ATPSCKMT: variants seen among roughly 807,000 people sequenced by gnomAD.
ATPSCKMT encodes ATP synthase c subunit lysine N-methyltransferase.
A neutral mutation model predicts 24.3 loss-of-function variants in ATPSCKMT; 24 were observed. The ratio of observed to expected loss-of-function variants is 0.99; its 90% CI spans 0.71 to 1.39. The LOEUF is 1.39. ATPSCKMT is among the 40% of genes most tolerant of loss of function. ATPSCKMT has a pLI of 0.00. For synonymous variants in ATPSCKMT, 95 were observed against 110.5 expected (o/e 0.86, Z 0.88); for missense variants, 311 against 298.4 (o/e 1.04, Z -0.31).
chr5:10,240,089 C>T (rs1201660137), intron 1 of ATPSCKMT, among the ~76,000 whole-genome samples: 2 of 151,016 alleles, frequency 1.3e-5, no homozygotes, highest in Non-Finnish European at 3.0e-5. Flanking sequence ...AAAAAATTAG[C>T]CGGGCGTGGT....
At chr5:10,242,363 G>T (rs1744684367) in intron 1 of ATPSCKMT, among the ~76,000 whole-genome samples, 1 of 152,168 alleles carries the variant, frequency 6.6e-6, no homozygotes, top group Admixed American at 6.5e-5. Context: ...ACCAGTAGTA[G>T]ATTCCATCTC....
In ATPSCKMT at chr5:10,232,617, G is replaced by A. The variant is rs529947561; in HGVS notation, c.495+2594C>T. 3.9e-4 allele frequency among the ~76,000 whole-genome samples: 60 copies of A among 152,356 alleles called. 1 individual carries two copies. Among genetic ancestry groups the A allele is most frequent in the Admixed American group, 3.1e-3 (47 of 15,310 alleles). On this transcript the variant is annotated intron_variant, in intron 4 of 4. Transcript: ENST00000511437. Reference sequence around the variant, plus strand: ...GGCCCATGAGTGGTCAGTGCTGTTCGACGAAGTCCAGAGCCAGGGAGACCA... The same window carrying A: ...GGCCCATGAGTGGTCAGTGCTGTTCAACGAAGTCCAGAGCCAGGGAGACCA...
At chr5:10,232,951 C>T (rs532143986) in intron 4 of ATPSCKMT, among the ~76,000 whole-genome samples, 3 of 152,254 alleles carry the variant, frequency 2.0e-5, no homozygotes, top group African/African-American at 7.2e-5. Context: ...AACCCCACAA[C>T]TGGCTTGACC....
chr5:10,229,390 G>A (rs1371231809), intron 4 of ATPSCKMT, among the ~76,000 whole-genome samples: 3 of 152,142 alleles, frequency 2.0e-5, no homozygotes, highest in Non-Finnish European at 4.4e-5. Flanking sequence ...GTGGTCTTTG[G>A]CAACACCCCA....
chr5:10,232,519 T>C (rs1001304682), intron 4 of ATPSCKMT, among the ~76,000 whole-genome samples: 2 of 152,294 alleles, frequency 1.3e-5, no homozygotes, highest in Non-Finnish European at 1.5e-5. Flanking sequence ...CAAGGTACTA[T>C]ATGAGAGTAA....
At chr5:10,242,626 A>T (rs1001850126) in intron 1 of ATPSCKMT, among the ~76,000 whole-genome samples, 19 of 152,230 alleles carry the variant, frequency 1.2e-4, no homozygotes, top group Non-Finnish European at 2.5e-4. Context: ...TATTAATGGC[A>T]TCTAGAATGG....
At chr5:10,247,986 T>C (rs1264021553) in intron 1 of ATPSCKMT, among the ~76,000 whole-genome samples, 1 of 152,184 alleles carries the variant, frequency 6.6e-6, no homozygotes, top group Non-Finnish European at 1.5e-5. Context: ...CAGTGACAGA[T>C]GTACAATAAG....
Position 10,245,351 on chromosome 5 carries a change from C to T in ATPSCKMT, c.16+4507G>A, listed in dbSNP as rs575161994. Among the ~76,000 whole-genome samples the T allele has an allele frequency of 4.6e-5, 7 of 152,206 alleles. No individual in the cohort carries two copies. The East Asian group carries it at 9.7e-4, about 21-fold the overall frequency. ...AGGAGAATGGCGTGAACCTGGAAGGCGGAGTTTGCAGTGATCCGAGACCGC... is the reference window on the plus strand; with the variant it reads ...AGGAGAATGGCGTGAACCTGGAAGGTGGAGTTTGCAGTGATCCGAGACCGC... On this transcript the variant is annotated intron_variant, in intron 1 of 4. Coordinates refer to ENST00000511437, the MANE Select transcript of ATPSCKMT (RefSeq NM_199133.4).
chr5:10,227,375 A>G lies in ATPSCKMT; in HGVS notation c.*66T>C, dbSNP rs1195136197. The G allele has an allele frequency of 6.6e-7, 1 of 1,521,940 alleles. No homozygotes were observed. Among genetic ancestry groups the G allele is most frequent in the Non-Finnish European group, 9.1e-7 (1 of 1,104,480 alleles). 94.3% of individuals were successfully genotyped at this position (1,521,940 alleles called of 1,614,324 possible). The stretch of plus-strand genomic sequence containing the variant: ...ACAATTATGCTCCTTTGCTAAGGAC[A>G]CAGCTGTAAGTCTCTACAAGATCAG... On this transcript the variant is annotated 3_prime_UTR_variant, in exon 5 of 5. Coordinates refer to ENST00000511437, the MANE Select transcript of ATPSCKMT (RefSeq NM_199133.4).
At chr5:10,227,716 T>G (rs1579416475) in intron 4 of ATPSCKMT, 69 bp from the exon 5 acceptor site, 1 of 1,244,856 alleles carries the variant, frequency 8.0e-7, no homozygotes, top group Non-Finnish European at 1.1e-6. Flanking sequence ...AATTTCCTGT[T>G]TTTAAGAGTC....
chr5:10,227,799 A>G (rs1410705110), intron 4 of ATPSCKMT, 152 bp from the exon 5 acceptor site: 10 of 656,148 alleles, frequency 1.5e-5, no homozygotes, highest in East Asian at 5.5e-5. Flanking sequence ...TAAACAAACA[A>G]TCCATTGAAA....
chr5:10,242,702 G>T (rs1306313497), intron 1 of ATPSCKMT, among the ~76,000 whole-genome samples: 1 of 152,134 alleles, frequency 6.6e-6, no homozygotes, highest in East Asian at 1.9e-4. Context: ...ACTATCTATT[G>T]CATCTCTAGC....
intron 2 of ATPSCKMT, among the ~76,000 whole-genome samples, chr5:10,238,458 G>C (rs1744474861): frequency 6.6e-6 from 1 of 152,130 alleles, no homozygotes; most frequent in South Asian, 2.1e-4. Flanking sequence ...ACTGCTGCTG[G>C]AACTTTTCAG....
chr5:10,237,244 G>C lies in ATPSCKMT; in HGVS notation c.307-629C>G, dbSNP rs77414748. Among the ~76,000 whole-genome samples, 183 of 152,302 alleles carry C rather than the reference G, an allele frequency of 1.2e-3. 1 individual carries two copies. The highest frequency in any genetic ancestry group is 4.2e-3 in the African/African-American group (174 of 41,558). On this transcript the variant is annotated intron_variant, in intron 2 of 4. Coordinates refer to ENST00000511437, the MANE Select transcript of ATPSCKMT (RefSeq NM_199133.4). ...TTCTGTCCTGCCCCATTCTTTAAGG[G>C]AGCATCCCTTGACTCAGCTGTCCCA...
intron 1 of ATPSCKMT, among the ~76,000 whole-genome samples, chr5:10,246,993 G>A (rs1039636333): frequency 7.9e-5 from 12 of 152,230 alleles, no homozygotes; most frequent in African/African-American, 2.9e-4. Flanking sequence ...TGGAAGGCAG[G>A]GAAAGCCTTT....
intron 2 of ATPSCKMT, among the ~76,000 whole-genome samples, chr5:10,238,758 C>T (rs1744488807): frequency 6.6e-6 from 1 of 152,182 alleles, no homozygotes. Context: ...CATGATTTAA[C>T]ATATTTCTTC....
chr5:10,238,231 A>G (rs1744464322), intron 2 of ATPSCKMT, among the ~76,000 whole-genome samples: 3 of 152,372 alleles, frequency 2.0e-5, no homozygotes, highest in Admixed American at 1.3e-4. Context: ...ACACCTGCAC[A>G]TGGTTAAGAT....
At chr5:10,236,282 T>C (rs1452989715) in intron 3 of ATPSCKMT, 196 bp downstream of exon 3, 4 of 478,780 alleles carry the variant, frequency 8.4e-6, no homozygotes, top group African/African-American at 4.0e-5. Flanking sequence ...AGACCTATCA[T>C]ATAAAAACTT....
intron 4 of ATPSCKMT, among the ~76,000 whole-genome samples, chr5:10,232,702 G>C (rs914240147): frequency 6.6e-6 from 1 of 152,198 alleles, no homozygotes; most frequent in African/African-American, 2.4e-5. Flanking sequence ...GAGGTCCAGG[G>C]GGCCGAGAGA....
Sources: allele counts gnomAD v4.1 joint callset (sites outside exome capture counted in the v4.1 genomes callset), GRCh38; gene constraint gnomAD v4.1.1; transcripts MANE v1.5; gene names NCBI Gene and HGNC (gene_info 2026-07-23, HGNC 2026-07-21).